KCNMA1: variants seen among roughly 807,000 people sequenced by gnomAD.
KCNMA1 encodes Calcium-activated potassium channel subunit alpha-1.
KCNMA1 carries 29 observed loss-of-function variants against 140.0 expected under a neutral mutation model. The observed-to-expected ratio is 0.21, with a 90% CI of 0.15 to 0.28. The LOEUF (loss-of-function observed/expected upper bound fraction) is 0.28. KCNMA1 is among the 10% of genes least tolerant of loss of function. The pLI is 1.00. For missense variants in KCNMA1, 880 were observed against 1,602.2 expected (o/e 0.55, Z 7.70); for synonymous variants, 612 against 611.9 (o/e 1.00, Z 0.00).
At chr10:77,485,375 C>T (rs1424851725) in intron 1 of KCNMA1, among the ~76,000 whole-genome samples, 1 of 152,232 alleles carries the variant, frequency 6.6e-6, no homozygotes, top group Non-Finnish European at 1.5e-5. Flanking sequence ...CTAGAATTCA[C>T]TGTTCCCGTT....
chr10:77,531,124 C>A (rs949303273), intron 1 of KCNMA1, among the ~76,000 whole-genome samples: 1 of 152,096 alleles, frequency 6.6e-6, no homozygotes, highest in African/African-American at 2.4e-5. Flanking sequence ...GGTGACGCAG[C>A]CAGAAAGCAC....
intron 14 of KCNMA1, among the ~76,000 whole-genome samples, chr10:77,064,698 C>A (rs1437163900): frequency 1.3e-5 from 2 of 152,194 alleles, no homozygotes; most frequent in African/African-American, 4.8e-5. Flanking sequence ...GAGGCAGCAT[C>A]CTGCATGGAA....
At chr10:77,225,853 C>T (rs2051196789) in intron 3 of KCNMA1, among the ~76,000 whole-genome samples, 1 of 152,160 alleles carries the variant, frequency 6.6e-6, no homozygotes, top group African/African-American at 2.4e-5. Flanking sequence ...CTGTGGGCCC[C>T]TCTTGCAGGC....
intron 1 of KCNMA1, among the ~76,000 whole-genome samples, chr10:77,489,017 C>T (rs1171098761): frequency 6.6e-6 from 1 of 152,148 alleles, no homozygotes; most frequent in Non-Finnish European, 1.5e-5. Flanking sequence ...GGCCCACCTG[C>T]CCCTTCCCAT....
chr10:77,123,515 T>C (rs2097670779), intron 5 of KCNMA1, among the ~76,000 whole-genome samples: 1 of 152,214 alleles, frequency 6.6e-6, no homozygotes, highest in Non-Finnish European at 1.5e-5. Flanking sequence ...CCAGTATCAC[T>C]GTCGCATATT....
chr10:77,069,120 A>T (rs1207031073), intron 14 of KCNMA1, among the ~76,000 whole-genome samples: 1 of 152,212 alleles, frequency 6.6e-6, no homozygotes, highest in Non-Finnish European at 1.5e-5. Flanking sequence ...TTCAGGGCTG[A>T]GGCAATAGCA....
chr10:77,063,721 C>A, intron 14 of KCNMA1: 1 of 984,844 alleles, frequency 1.0e-6, no homozygotes, highest in Non-Finnish European at 1.2e-6. Flanking sequence ...TAGGACTTTG[C>A]GATTTTCATG....
At chr10:77,435,459 G>A (rs1012313756) in intron 1 of KCNMA1, among the ~76,000 whole-genome samples, 1 of 152,190 alleles carries the variant, frequency 6.6e-6, no homozygotes, top group African/African-American at 2.4e-5. Flanking sequence ...AGGGAGACAG[G>A]CAAGGGTTAA....
chr10:77,280,130 G>T (rs1270239814), intron 2 of KCNMA1, among the ~76,000 whole-genome samples: 2 of 152,142 alleles, frequency 1.3e-5, no homozygotes, highest in Non-Finnish European at 2.9e-5. Context: ...AGACATGAAA[G>T]AAATGGTGTG....
intron 1 of KCNMA1, among the ~76,000 whole-genome samples, chr10:77,409,307 C>A (rs1045511855): frequency 6.6e-6 from 1 of 152,190 alleles, no homozygotes; most frequent in African/African-American, 2.4e-5. Flanking sequence ...TCCTGAGGAT[C>A]CCCACCACCA....
rs368620575 is a variant in KCNMA1, at chr10:77,197,891, C to T, written c.603-12975G>A. On this transcript the variant is annotated intron_variant, in intron 3 of 27. Transcript: ENST00000286628. ...TGAGAGACACAGGCAGAAAAATGTT[C>T]AAACCACTCTAAACAGAACACTGTA... Among the ~76,000 whole-genome samples, 8 of 152,262 alleles carry T rather than the reference C, an allele frequency of 5.3e-5. No individual in the cohort carries two copies. The East Asian group carries it at 1.2e-3, about 22-fold the overall frequency.
intron 3 of KCNMA1, among the ~76,000 whole-genome samples, chr10:77,224,363 G>A (rs1432909160): frequency 3.3e-5 from 5 of 152,328 alleles, no homozygotes; most frequent in Non-Finnish European, 5.9e-5. Context: ...AGCTGAGCAC[G>A]TGGATTTCAC....
chr10:77,511,334 A>G (rs976358394), intron 1 of KCNMA1, among the ~76,000 whole-genome samples: 1 of 152,248 alleles, frequency 6.6e-6, no homozygotes, highest in African/African-American at 2.4e-5. Flanking sequence ...AAATCTGTCT[A>G]CTTTCTGCAA....
At position 76,887,430 on chromosome 10, in the gene KCNMA1, C is replaced by G. The variant is rs549360933; in HGVS notation, c.3547G>C (p.Gly1183Arg). The change falls in exon 28 of 28, where the codon GGC (glycine) becomes CGC (arginine). Residue 1183 changes from glycine to arginine, a missense_variant. Transcript: ENST00000286628. Reference sequence around the variant, plus strand: ...TGGGACAGGCTGGCCCGGGACTGGCCGGCATTGTGGTCAAACTGCATTAAG... The same window carrying G: ...TGGGACAGGCTGGCCCGGGACTGGCGGGCATTGTGGTCAAACTGCATTAAG... ...FCLMQFDHNA[G>R]QSRASLSHSS... 1 of 1,614,060 alleles carries G rather than the reference C, an allele frequency of 6.2e-7. No individual in the cohort carries two copies. Among genetic ancestry groups the G allele is most frequent in the Non-Finnish European group, 8.5e-7 (1 of 1,180,024 alleles).
intron 2 of KCNMA1, among the ~76,000 whole-genome samples, chr10:77,278,541 C>T (rs1275225451): frequency 6.6e-6 from 1 of 152,176 alleles, no homozygotes; most frequent in Non-Finnish European, 1.5e-5. Context: ...TTTCCTCTCT[C>T]CTGCATTTGG....
chr10:77,123,574 CAGTT>C (rs552911846), intron 5 of KCNMA1, among the ~76,000 whole-genome samples: 220 of 152,238 alleles, frequency 1.4e-3, no homozygotes, highest in African/African-American at 4.8e-3. Flanking sequence ...AGGCGACTGG[CAGTT>C]AGCACTGAAA....
intron 1 of KCNMA1, among the ~76,000 whole-genome samples, chr10:77,430,423 T>G (rs1043125035): frequency 6.6e-6 from 1 of 152,218 alleles, no homozygotes; most frequent in African/African-American, 2.4e-5. Flanking sequence ...AAAACCCTCT[T>G]TGGAAAAAGC....
chr10:77,615,951 A>T (rs1429378371), intron 1 of KCNMA1, among the ~76,000 whole-genome samples: 1 of 152,172 alleles, frequency 6.6e-6, no homozygotes, highest in Non-Finnish European at 1.5e-5. Context: ...GCTAAATGCT[A>T]TTATACTCAC....
At position 77,496,744 on chromosome 10, in the gene KCNMA1, C is replaced by A. The variant is rs183828141; in HGVS notation, c.379-92721G>T. Among the ~76,000 whole-genome samples, 145 of 151,944 alleles carry A rather than the reference C, an allele frequency of 9.5e-4. 1 individual carries two copies. Among genetic ancestry groups the A allele is most frequent in the Non-Finnish European group, 4.0e-4 (27 of 67,970 alleles). ...GCTATGAACATCCTCATTTTACATACAGGTAAGGTAACTGAAGTTCAGCTA... is the reference window on the plus strand; with the variant it reads ...GCTATGAACATCCTCATTTTACATAAAGGTAAGGTAACTGAAGTTCAGCTA... On this transcript the variant is annotated intron_variant, in intron 1 of 27. Coordinates refer to ENST00000286628, the MANE Select transcript of KCNMA1 (RefSeq NM_001161352.2).
Sources: gnomAD v4.1 joint callset for allele counts (sites outside exome capture counted in the v4.1 genomes callset) on GRCh38, gnomAD v4.1.1 for gene constraint, MANE v1.5 for transcripts, NCBI Gene and HGNC (gene_info 2026-07-23, HGNC 2026-07-21) for gene names.